CAST: variants seen among roughly 807,000 people sequenced by gnomAD.
CAST encodes the protein MIR583 host.
In CAST, 76 loss-of-function variants were observed where a neutral mutation model predicts 119.6. The observed-to-expected ratio is 0.64, with a 90% confidence interval of 0.53 to 0.77. CAST has a LOEUF of 0.77. Ranked by LOEUF, CAST falls within the 30% of genes least tolerant of loss-of-function variation. CAST has a pLI of 0.00. For missense variants in CAST, 953 were observed against 946.5 expected (o/e 1.01, Z -0.09); for synonymous variants, 319 against 331.6 (o/e 0.96, Z 0.41).
chr5:96,466,124 G>C, the CAST span, among the ~76,000 whole-genome samples: 7 of 152,074 alleles, frequency 4.6e-5, no homozygotes, highest in Non-Finnish European at 7.4e-5. Flanking sequence ...TCTAACGCAT[G>C]TAACAGTGAA....
At chr5:96,263,455 A>C in the CAST span, among the ~76,000 whole-genome samples, 1 of 152,222 alleles carries the variant, frequency 6.6e-6, no homozygotes, top group East Asian at 1.9e-4. Flanking sequence ...ATCCTGATGA[A>C]AGAGAGAGGT....
chr5:96,219,591 A>G, the CAST span, among the ~76,000 whole-genome samples: 1 of 152,094 alleles, frequency 6.6e-6, no homozygotes, highest in Non-Finnish European at 1.5e-5. Context: ...GGATTGCTTG[A>G]GCCTAGGAGG....
At chr5:96,716,597 A>T (rs1480433637) in intron 3 of CAST, among the ~76,000 whole-genome samples, 1 of 152,194 alleles carries the variant, frequency 6.6e-6, no homozygotes, top group African/African-American at 2.4e-5. Flanking sequence ...TGGCTGTTTT[A>T]TAAATGTTGT....
the CAST span, among the ~76,000 whole-genome samples, chr5:96,247,466 G>A: frequency 3.3e-5 from 5 of 152,240 alleles, no homozygotes; most frequent in Admixed American, 1.3e-4. Flanking sequence ...GTTCATGTGC[G>A]TAGCACCAAA....
intron 1 of CAST, among the ~76,000 whole-genome samples, chr5:96,539,316 C>A (rs1745874434): frequency 6.6e-6 from 1 of 152,118 alleles, no homozygotes; most frequent in Non-Finnish European, 1.5e-5. Context: ...AGCTTTTATT[C>A]TGTTATTAAG....
chr5:96,400,624 G>A, the CAST span, among the ~76,000 whole-genome samples: 1 of 152,192 alleles, frequency 6.6e-6, no homozygotes, highest in Non-Finnish European at 1.5e-5. Context: ...TCCTTCTTAG[G>A]AAGAGTGAGA....
chr5:96,590,166 C>CA (rs1746937537), intron 1 of CAST, among the ~76,000 whole-genome samples: 1 of 152,110 alleles, frequency 6.6e-6, no homozygotes, highest in East Asian at 1.9e-4. Flanking sequence ...TTCCTTATTA[C>CA]AAAAAATGCA....
At chr5:96,454,701 G>GT in the CAST span, among the ~76,000 whole-genome samples, 3 of 152,298 alleles carry the variant, frequency 2.0e-5, no homozygotes, top group South Asian at 6.2e-4. Flanking sequence ...GAAAATTCCT[G>GT]TATTTCTCAA....
chr5:96,379,921 G>C, the CAST span, among the ~76,000 whole-genome samples: 1 of 152,260 alleles, frequency 6.6e-6, no homozygotes, highest in Non-Finnish European at 1.5e-5. Flanking sequence ...TTGGATAGAG[G>C]GGGTATACAG....
chr5:96,553,473 G>A (rs1203809981), intron 1 of CAST, among the ~76,000 whole-genome samples: 1 of 152,106 alleles, frequency 6.6e-6, no homozygotes, highest in African/African-American at 2.4e-5. Context: ...GTGTAAACCT[G>A]GGAGCATTCC....
chr5:96,614,235 C>T (rs1747414240), intron 1 of CAST, among the ~76,000 whole-genome samples: 1 of 152,130 alleles, frequency 6.6e-6, no homozygotes, highest in Non-Finnish European at 1.5e-5. Flanking sequence ...TCAAATGATT[C>T]CATTTCCCTC....
chr5:96,686,955 A>G (rs1487436307), intron 2 of CAST, among the ~76,000 whole-genome samples: 8 of 152,318 alleles, frequency 5.3e-5, no homozygotes, highest in Non-Finnish European at 2.9e-5. Flanking sequence ...TTAACAATCT[A>G]ATTCCATGTA....
chr5:96,276,054 A>G, the CAST span, among the ~76,000 whole-genome samples: 1 of 152,160 alleles, frequency 6.6e-6, no homozygotes, highest in South Asian at 2.1e-4. Flanking sequence ...CGTGAAACTG[A>G]TGTTTCCTAA....
the CAST span, among the ~76,000 whole-genome samples, chr5:96,141,805 C>T: frequency 3.3e-5 from 5 of 152,284 alleles, no homozygotes; most frequent in Middle Eastern, 3.4e-3. Flanking sequence ...TACAACCCTA[C>T]GACCAATGGG....
the CAST span, among the ~76,000 whole-genome samples, chr5:96,336,159 T>C: frequency 6.6e-6 from 1 of 152,162 alleles, no homozygotes; most frequent in African/African-American, 2.4e-5. Flanking sequence ...CCCTTGTCTA[T>C]CTCTTAAACC....
At chr5:96,312,025 T>A in the CAST span, among the ~76,000 whole-genome samples, 1 of 152,076 alleles carries the variant, frequency 6.6e-6, no homozygotes, top group Non-Finnish European at 1.5e-5. Flanking sequence ...CTTTGTGGCT[T>A]GATGGTTTTC....
the CAST span, among the ~76,000 whole-genome samples, chr5:96,214,322 T>A: frequency 8.5e-4 from 130 of 152,306 alleles, no homozygotes; most frequent in Non-Finnish European, 7.2e-4. Context: ...TACCAGCAAC[T>A]GCCTATATGG....
At chr5:96,391,323 C>T in the CAST span, 8 of 152,134 alleles carry the variant, frequency 5.3e-5, no homozygotes, top group Non-Finnish European at 1.0e-4. Flanking sequence ...TGAACCAGTT[C>T]AATGCCATGA....
chr5:96,204,342 T>C, the CAST span, among the ~76,000 whole-genome samples: 4 of 152,150 alleles, frequency 2.6e-5, no homozygotes, highest in Middle Eastern at 6.8e-3. Flanking sequence ...ACCACACAGC[T>C]ATCTCTGTTG....
Sources: allele counts gnomAD v4.1 joint callset (sites outside exome capture counted in the v4.1 genomes callset), GRCh38; gene constraint gnomAD v4.1.1; transcripts MANE v1.5; gene names NCBI Gene and HGNC (gene_info 2026-07-23, HGNC 2026-07-21).